The following CNGA4 variants were observed in gnomAD, a reference collection of about 807,000 sequenced individuals.
The protein encoded by CNGA4 is cyclic nucleotide gated channel subunit alpha 4.
CNGA4 carries 32 observed loss-of-function variants against 45.6 expected under a neutral mutation model. The ratio of observed to expected loss-of-function variants is 0.70; its 90% CI spans 0.53 to 0.94. The LOEUF (loss-of-function observed/expected upper bound fraction) is 0.94, where lower values mean the gene tolerates loss of function less well. CNGA4 is among the 40% of genes least tolerant of loss of function. CNGA4 has a pLI of 0.00. For missense variants in CNGA4, 726 were observed against 755.1 expected (o/e 0.96, Z 0.45); for synonymous variants, 293 against 304.6 (o/e 0.96, Z 0.40).
chr11:6,241,894 C>A, intron 5 of CNGA4, 114 bp downstream of exon 5: 1 of 908,846 alleles, frequency 1.1e-6, no homozygotes, highest in Non-Finnish European at 1.7e-6. Flanking sequence ...ATTGAGGAAA[C>A]CTGGCCCTTC....
chr11:6,244,178 C>T lies in CNGA4; in HGVS notation c.1497C>T (p.Gly499=). The T allele has an allele frequency of 2.5e-6, 4 of 1,614,218 alleles. No homozygotes were observed. In the South Asian group the frequency reaches 4.4e-5, roughly 18 times the overall value. Residue 499 remains glycine, a synonymous_variant, in exon 6 of 6, where the codon GGC becomes GGT. Coordinates refer to ENST00000379936, the MANE Select transcript of CNGA4 (RefSeq NM_001037329.4). The surrounding 1 kb of genome is among the most constrained non-coding windows in gnomAD (Gnocchi z 4.5). ...LQEATESRLR[G]LDQQLDDLQT... ...AGGCCACAGAGTCCCGGCTACGAGG[C>T]CTAGACCAGCAGCTGGATGATCTAC...
Position 6,241,639 on chromosome 11 carries a change from T to C in CNGA4, c.1126T>C (p.Cys376Arg). Residue 376 changes from cysteine (C) to arginine (R), a missense_variant, in exon 5 of 6, where the codon TGC (cysteine) becomes CGC (arginine). Transcript: ENST00000379936. Reference protein sequence around the residue: ...PQTYSPGEYVCRKGDIGQEMY... With the variant: ...PQTYSPGEYVRRKGDIGQEMY... ...GACCTACTCACCAGGTGAATATGTA[T>C]GCCGCAAAGGAGACATTGGCCAAGA... 6.2e-7 allele frequency: 1 copy of C among 1,614,190 alleles called. No individual in the cohort carries two copies. Among genetic ancestry groups the C allele is most frequent in the Non-Finnish European group, 8.5e-7 (1 of 1,180,048 alleles).
chr11:6,239,893 G>A (rs538838063), intron 3 of CNGA4, 103 bp downstream of exon 3: 7 of 1,362,726 alleles, frequency 5.1e-6, no homozygotes, highest in Admixed American at 4.0e-5. Context: ...TAGCACCTTC[G>A]CGTGCCTCTA....
chr11:6,240,773 G>A lies in CNGA4; in HGVS notation c.917+62G>A. On this transcript the variant is annotated intron_variant, in intron 4 of 5. Coordinates refer to ENST00000379936, the MANE Select transcript of CNGA4 (RefSeq NM_001037329.4). The surrounding 1 kb of genome is among the most constrained non-coding windows in gnomAD (Gnocchi z 4.9). ...GTGTAGGTGATGGAACCTGAGGGAGGTAACTGGGTCCTTAGTGCCTGGTGA... is the reference window on the plus strand; with the variant it reads ...GTGTAGGTGATGGAACCTGAGGGAGATAACTGGGTCCTTAGTGCCTGGTGA... The A allele has an allele frequency of 6.4e-7, 1 of 1,557,202 alleles. No homozygotes were observed. Among genetic ancestry groups the A allele is most frequent in the South Asian group, 1.2e-5 (1 of 82,792 alleles).
intron 5 of CNGA4, among the ~76,000 whole-genome samples, chr11:6,242,647 A>G (rs1224035353): frequency 6.6e-6 from 1 of 152,124 alleles, no homozygotes; most frequent in Non-Finnish European, 1.5e-5. Context: ...GACTTTGGAC[A>G]AGTCATTTCC....
chr11:6,239,875 C>A, intron 3 of CNGA4, 85 bp downstream of exon 3: 8 of 1,425,816 alleles, frequency 5.6e-6, no homozygotes. Flanking sequence ...AAGGCACCCC[C>A]ACCGTGGTAG....
chr11:6,238,538 G>A (rs1400434084), upstream of CNGA4, among the ~76,000 whole-genome samples: 1 of 152,210 alleles, frequency 6.6e-6, no homozygotes, highest in African/African-American at 2.4e-5. Context: ...TCAGGCACTA[G>A]AAGTCACAAG....
upstream of CNGA4, among the ~76,000 whole-genome samples, chr11:6,238,593 T>C (rs961229724): frequency 6.6e-6 from 1 of 152,186 alleles, no homozygotes; most frequent in Non-Finnish European, 1.5e-5. Context: ...CCTATCACAC[T>C]ACCTATGAGA....
intron 5 of CNGA4, chr11:6,242,031 T>C: frequency 1.8e-6 from 1 of 540,584 alleles, no homozygotes; most frequent in Admixed American, 3.4e-5. Flanking sequence ...TCTGTGGATA[T>C]TCACCTGAAG....
At chr11:6,244,942 G>T (rs987300921), downstream of CNGA4, among the ~76,000 whole-genome samples, 2 of 152,204 alleles carry the variant, frequency 1.3e-5, no homozygotes, top group East Asian at 1.9e-4. This position sits in a 1 kb window ranked among gnomAD's most constrained non-coding sequence, Gnocchi z 4.5. Flanking sequence ...TACCCTGAAA[G>T]TTGCACTTCA....
chr11:6,240,457 C>T lies in CNGA4; in HGVS notation c.663C>T (p.Ser221=), dbSNP rs1323566721. Residue 221 remains serine, a synonymous_variant, in exon 4 of 6, where the codon AGC becomes AGT. Transcript: ENST00000379936. This position sits in a 1 kb window ranked among gnomAD's most constrained non-coding sequence, Gnocchi z 4.9. ...FERLRRQYLY[S]FYFSTLILTT... ...GCCTGCGGCGCCAGTACCTCTATAGCTTTTACTTCTCCACGCTGATACTGA... is the reference window on the plus strand; with the variant it reads ...GCCTGCGGCGCCAGTACCTCTATAGTTTTTACTTCTCCACGCTGATACTGA... 2.5e-6 allele frequency: 4 copies of T among 1,614,246 alleles called. No homozygotes were observed. The highest frequency in any genetic ancestry group is 2.2e-5 in the South Asian group (2 of 91,090).
chr11:6,243,521 G>A (rs908090037), intron 5 of CNGA4, among the ~76,000 whole-genome samples: 1 of 152,150 alleles, frequency 6.6e-6, no homozygotes, highest in Non-Finnish European at 1.5e-5. Context: ...CTCCCACCAG[G>A]TCCCACCCCC....
upstream of CNGA4, among the ~76,000 whole-genome samples, chr11:6,236,424 G>A (rs1847839809): frequency 6.6e-6 from 1 of 152,210 alleles, no homozygotes; most frequent in Admixed American, 6.5e-5. Context: ...CCAAACTAGA[G>A]TAGCAAAAAT....
rs781000885 is a variant in CNGA4 at position 6,244,181 on chromosome 11, A to T, written c.1500A>T (p.Leu500=). Residue 500 remains leucine (L), a synonymous_variant, in exon 6 of 6, where the codon CTA becomes CTT. Transcript: ENST00000379936. This position sits in a 1 kb window ranked among gnomAD's most constrained non-coding sequence, Gnocchi z 4.5. ...CCACAGAGTCCCGGCTACGAGGCCT[A>T]GACCAGCAGCTGGATGATCTACAGA... is the stretch of plus-strand genomic sequence containing the variant. The part of the protein sequence containing the change: ...QEATESRLRG[L]DQQLDDLQTK... 6.2e-7 allele frequency: 1 copy of T among 1,614,250 alleles called. No homozygotes were observed. The highest frequency in any genetic ancestry group is 8.5e-7 in the Non-Finnish European group (1 of 1,180,042).
At position 6,239,429 on chromosome 11, in the gene CNGA4, G is replaced by A. The variant is rs1847877819; in HGVS notation, c.108G>A (p.Trp36Ter). ...ACCCATCTGGGGATTACTACTACTGGTGGCTGAACACAATGGTCTTCCCAG... is the reference window on the plus strand; with the variant it reads ...ACCCATCTGGGGATTACTACTACTGATGGCTGAACACAATGGTCTTCCCAG... ...VLDPSGDYYY[W>*]WLNTMVFPVM... The change falls in exon 2 of 6, where the codon TGG becomes TGA. Residue 36 changes from tryptophan to a stop codon, truncating the protein, a stop_gained. Transcript: ENST00000379936. LOFTEE classifies it high-confidence loss of function. 18 of 1,614,118 alleles carry A rather than the reference G, an allele frequency of 1.1e-5. No homozygotes were observed. Among genetic ancestry groups the A allele is most frequent in the Non-Finnish European group, 1.4e-5 (17 of 1,180,040 alleles).
downstream of CNGA4, among the ~76,000 whole-genome samples, chr11:6,244,637 C>T (rs1160596761): frequency 1.3e-5 from 2 of 150,424 alleles, no homozygotes; most frequent in Admixed American, 6.7e-5. This position sits in a 1 kb window ranked among gnomAD's most constrained non-coding sequence, Gnocchi z 4.5. Flanking sequence ...CACATTTGCT[C>T]ATAGACCTGT....
chr11:6,237,686 G>A (rs931736979), upstream of CNGA4, among the ~76,000 whole-genome samples: 2 of 152,144 alleles, frequency 1.3e-5, no homozygotes, highest in African/African-American at 4.8e-5. Context: ...TTTGAATGTT[G>A]TCTTTTTATT....
Position 6,240,571 on chromosome 11 carries a change from C to A in CNGA4, c.777C>A (p.Ala259=), listed in dbSNP as rs752921983. ...GDFLLAVMGF[A]TIMGSMSSVI... The stretch of plus-strand genomic sequence containing the variant: ...TCCTGCTGGCCGTCATGGGTTTCGC[C>A]ACCATCATGGGTAGCATGAGCTCTG... Residue 259 remains alanine (A), a synonymous_variant, in exon 4 of 6, where the codon GCC becomes GCA. Coordinates refer to ENST00000379936, the MANE Select transcript of CNGA4 (RefSeq NM_001037329.4). The surrounding 1 kb of genome is among the most constrained non-coding windows in gnomAD (Gnocchi z 4.9). The A allele has an allele frequency of 5.6e-6, 9 of 1,614,200 alleles. No homozygotes were observed. Among genetic ancestry groups the A allele is most frequent in the Non-Finnish European group, 7.6e-6 (9 of 1,180,038 alleles).
At chr11:6,239,647 T>C (rs1196271487) in intron 2 of CNGA4, 37 bp from the exon 3 acceptor site, 5 of 1,601,690 alleles carry the variant, frequency 3.1e-6, no homozygotes, top group East Asian at 4.5e-5. Context: ...ACACAGAGGG[T>C]GCCCTTAATT....
Sources: allele counts gnomAD v4.1 joint callset (sites outside exome capture counted in the v4.1 genomes callset), GRCh38; gene constraint gnomAD v4.1.1; non-coding constraint Gnocchi (gnomAD v3.1); transcripts MANE v1.5; gene names NCBI Gene and HGNC (gene_info 2026-07-23, HGNC 2026-07-21).